Variants in DLG2 observed in about 807,000 individuals in gnomAD.
The protein encoded by DLG2 is discs large MAGUK scaffold protein 2, also known as disks large homolog 2.
Under a neutral mutation model 132.5 loss-of-function variants are expected in DLG2, and 45 were observed. The observed-to-expected ratio is 0.34, with a 90% CI of 0.27 to 0.44. DLG2 has a LOEUF of 0.44. DLG2 is among the 20% of genes least tolerant of loss of function. DLG2 has a pLI of 1.00. For synonymous variants in DLG2, 424 were observed against 419.6 expected, an observed-to-expected ratio of 1.01 and a Z score of -0.13; for missense variants, 1,045 against 1,196.9, an observed-to-expected ratio of 0.87 and a Z score of 1.87.
intron 7 of DLG2, among the ~76,000 whole-genome samples, chr11:84,413,298 G>C (rs1371304527): frequency 6.6e-6 from 1 of 152,180 alleles, no homozygotes; most frequent in African/African-American, 2.4e-5. Flanking sequence ...ACAGCAGAAA[G>C]CACGGAGTCA....
rs112315829 is a variant in DLG2, at chr11:84,378,720, A to C, written c.520-127429T>G. Among the ~76,000 whole-genome samples, 522 of 151,956 alleles carry C rather than the reference A, an allele frequency of 3.4e-3. 6 individuals carry two copies. Among genetic ancestry groups the C allele is most frequent in the African/African-American group, 0.012 (502 of 41,448 alleles). On this transcript the variant is annotated intron_variant, in intron 7 of 27. Transcript: ENST00000376104. ...CTGAGGTGGGCGGATTACGAGGTCA[A>C]GAGATCAAGTCCATCCTGCCCAACA...
chr11:85,154,637 A>G lies in DLG2; in HGVS notation c.201T>C (p.Ser67=). Residue 67 remains serine, a synonymous_variant, in exon 5 of 28, where the codon AGT becomes AGC. Coordinates refer to ENST00000376104, the MANE Select transcript of DLG2 (RefSeq NM_001142699.3). The part of the protein sequence containing the change: ...LQKSSELTDC[S]GSKENASCIE... ...TACATGAAGCATTTTCCTTTGATCCACTGCAATCTGTAAGCTAAAATAAAA... is the reference window on the plus strand; with the variant it reads ...TACATGAAGCATTTTCCTTTGATCCGCTGCAATCTGTAAGCTAAAATAAAA... The G allele has an allele frequency of 6.6e-7, 1 of 1,509,914 alleles. No homozygotes were observed. Among genetic ancestry groups the G allele is most frequent in the Non-Finnish European group, 9.0e-7 (1 of 1,114,146 alleles). 93.5% of individuals were successfully genotyped at this position (1,509,914 alleles called of 1,614,324 possible).
At chr11:85,542,057 A>C (rs2076006925) in intron 3 of DLG2, among the ~76,000 whole-genome samples, 1 of 152,240 alleles carries the variant, frequency 6.6e-6, no homozygotes, top group African/African-American at 2.4e-5. Context: ...TATTTACAAC[A>C]ACTCCAGAAT....
At chr11:84,224,608 T>A (rs1228354432) in intron 8 of DLG2, among the ~76,000 whole-genome samples, 1 of 152,164 alleles carries the variant, frequency 6.6e-6, no homozygotes, top group Non-Finnish European at 1.5e-5. Context: ...ATGTGATAGA[T>A]ATTATTATTA....
intron 7 of DLG2, among the ~76,000 whole-genome samples, chr11:84,258,486 GT>G (rs2097509012): frequency 6.6e-6 from 1 of 152,018 alleles, no homozygotes; most frequent in Non-Finnish European, 1.5e-5. Context: ...TGCTTATTAT[GT>G]TTCAGTAATG....
rs532833257 is a variant in DLG2, at chr11:85,538,078, T to C, written c.40+60579A>G. Among the ~76,000 whole-genome samples, 77 of 151,976 alleles carry C rather than the reference T, an allele frequency of 5.1e-4. 2 individuals are homozygous for C. Among genetic ancestry groups the C allele is most frequent in the African/African-American group, 1.6e-3 (68 of 41,288 alleles). On this transcript the variant is annotated intron_variant, in intron 3 of 27. Coordinates refer to ENST00000376104, the MANE Select transcript of DLG2 (RefSeq NM_001142699.3). Reference sequence around the variant, plus strand: ...TTCCAGTGAGCCGAGATCGCGCCACTGCACTCCAGCCTGGGTGACAGAGCG... The same window carrying C: ...TTCCAGTGAGCCGAGATCGCGCCACCGCACTCCAGCCTGGGTGACAGAGCG...
intron 16 of DLG2, among the ~76,000 whole-genome samples, chr11:83,859,436 T>A (rs190701199): frequency 1.1e-4 from 16 of 152,330 alleles, no homozygotes; most frequent in African/African-American, 3.8e-4. Context: ...CTCCTTGTTA[T>A]GTTTTAGCAA....
At chr11:84,495,777 T>C (rs572402941) in intron 7 of DLG2, among the ~76,000 whole-genome samples, 37 of 152,282 alleles carry the variant, frequency 2.4e-4, no homozygotes, top group African/African-American at 8.2e-4. Context: ...CCAAGCTCTG[T>C]GAAGTCATGG....
chr11:84,517,354 T>C (rs1279387667), intron 7 of DLG2, among the ~76,000 whole-genome samples: 1 of 151,912 alleles, frequency 6.6e-6, no homozygotes, highest in Non-Finnish European at 1.5e-5. Context: ...CAGACATTTC[T>C]GAAGAGAAGA....
chr11:84,635,804 G>A (rs1018870364), intron 6 of DLG2, among the ~76,000 whole-genome samples: 1 of 151,944 alleles, frequency 6.6e-6, no homozygotes, highest in African/African-American at 2.4e-5. Context: ...CACATACTAA[G>A]AAAGTGGTAT....
intron 4 of DLG2, among the ~76,000 whole-genome samples, chr11:85,266,616 A>AAAAG (rs2077229245): frequency 6.6e-6 from 1 of 152,230 alleles, no homozygotes. Flanking sequence ...AATTTAAAAA[A>AAAAG]AAAGAAAGAA....
chr11:85,223,099 C>T (rs2074759327), intron 4 of DLG2, among the ~76,000 whole-genome samples: 1 of 152,116 alleles, frequency 6.6e-6, no homozygotes, highest in African/African-American at 2.4e-5. Context: ...AAGAAAGAAA[C>T]TTTGTTTGTT....
At chr11:85,498,131 T>A (rs1242775301) in intron 3 of DLG2, among the ~76,000 whole-genome samples, 1 of 152,126 alleles carries the variant, frequency 6.6e-6, no homozygotes, top group Non-Finnish European at 1.5e-5. Flanking sequence ...AGACACAGAC[T>A]GGCAAATAAA....
intron 3 of DLG2, among the ~76,000 whole-genome samples, chr11:85,560,627 G>T (rs1049582701): frequency 6.6e-6 from 1 of 151,826 alleles, no homozygotes; most frequent in African/African-American, 2.4e-5. Context: ...CCAGATTGTG[G>T]TGATAGTTTC....
chr11:85,404,625 T>G (rs1039489447), intron 3 of DLG2, among the ~76,000 whole-genome samples: 1 of 151,960 alleles, frequency 6.6e-6, no homozygotes, highest in Non-Finnish European at 1.5e-5. Flanking sequence ...AGCACCCATT[T>G]AAAGGACAAT....
At chr11:83,823,841 C>T (rs2051617217) in intron 17 of DLG2, among the ~76,000 whole-genome samples, 1 of 152,154 alleles carries the variant, frequency 6.6e-6, no homozygotes, top group African/African-American at 2.4e-5. Flanking sequence ...CCTGTGGTGA[C>T]TCATATGTCT....
chr11:84,112,741 T>G (rs1227010014), intron 9 of DLG2, among the ~76,000 whole-genome samples: 3 of 152,178 alleles, frequency 2.0e-5, no homozygotes, highest in Admixed American at 2.0e-4. Context: ...TTTACCAACC[T>G]TGACTAGGCA....
At chr11:84,515,089 C>A (rs764369929) in intron 7 of DLG2, among the ~76,000 whole-genome samples, 2 of 151,706 alleles carry the variant, frequency 1.3e-5, no homozygotes, top group Non-Finnish European at 2.9e-5. Context: ...AAACATACCA[C>A]TAGCAGAAAT....
rs182499033 is a variant in DLG2, at chr11:85,073,181, C to T, written c.357+38480G>A. ...TTAAAAACTGATATATTCATACAGA[C>T]AGACCCCTAAACCTCTTCTTTCTCA... On this transcript the variant is annotated intron_variant, in intron 6 of 27. Transcript: ENST00000376104. Among the ~76,000 whole-genome samples, 47 of 151,918 alleles carry T rather than the reference C, an allele frequency of 3.1e-4. 1 individual carries two copies. Among genetic ancestry groups the T allele is most frequent in the African/African-American group, 9.9e-4 (41 of 41,494 alleles).
Sources: gnomAD v4.1 joint callset for allele counts (sites outside exome capture counted in the v4.1 genomes callset) on GRCh38, gnomAD v4.1.1 for gene constraint, MANE v1.5 for transcripts, NCBI Gene and HGNC (gene_info 2026-07-23, HGNC 2026-07-21) for gene names.